NYAP2: variants seen among roughly 807,000 people sequenced by gnomAD.
The protein encoded by NYAP2 is neuronal tyrosine-phosphorylated phosphoinositide-3-kinase adaptor 2, also known as neuronal tyrosine-phosphorylated phosphoinositide-3-kinase adapter 2.
A neutral mutation model predicts 50.4 loss-of-function variants in NYAP2; 23 were observed. The observed-to-expected ratio is 0.46, with a 90% CI of 0.33 to 0.65. The LOEUF is 0.65. Among genes scored for constraint, NYAP2 ranks in the 30% least tolerant of loss-of-function variants. NYAP2 has a pLI of 0.02. For missense variants in NYAP2, 885 were observed against 861.0 expected (o/e 1.03, Z -0.35); for synonymous variants, 394 against 365.2 (o/e 1.08, Z -0.90).
chr2:225,667,202 T>C, the NYAP2 span, among the ~76,000 whole-genome samples: 1 of 152,182 alleles, frequency 6.6e-6, no homozygotes, highest in Non-Finnish European at 1.5e-5. Flanking sequence ...GCTAGATGCT[T>C]GAGTTTGAAG....
chr2:225,696,097 T>A, the NYAP2 span, among the ~76,000 whole-genome samples: 1 of 151,984 alleles, frequency 6.6e-6, no homozygotes, highest in African/African-American at 2.4e-5. Context: ...CAACAATAAC[T>A]ATTATTATAA....
At chr2:225,638,756 C>A (rs1210250382) in intron 6 of NYAP2, among the ~76,000 whole-genome samples, 1 of 152,156 alleles carries the variant, frequency 6.6e-6, no homozygotes, top group South Asian at 2.1e-4. Flanking sequence ...GACACTAGCC[C>A]GTGCCAGGCC....
intron 3 of NYAP2, among the ~76,000 whole-genome samples, chr2:225,453,695 T>C (rs570066139): frequency 3.0e-4 from 46 of 152,240 alleles, no homozygotes; most frequent in Non-Finnish European, 5.6e-4. Context: ...AGTCTTACTC[T>C]GTCACCCAGG....
intron 3 of NYAP2, among the ~76,000 whole-genome samples, chr2:225,499,319 C>CT (rs764490641): frequency 0.013 from 1,884 of 142,984 alleles, 19 homozygotes; most frequent in African/African-American, 0.036. Flanking sequence ...GAAAAGGTTA[C>CT]TTTTTTTTTT....
chr2:225,657,345 C>T (rs962229302), downstream of NYAP2, among the ~76,000 whole-genome samples: 8 of 151,510 alleles, frequency 5.3e-5, no homozygotes, highest in East Asian at 7.8e-4. Flanking sequence ...CTTCTGACCT[C>T]GTGATCCACC....
intron 5 of NYAP2, among the ~76,000 whole-genome samples, chr2:225,617,921 C>T (rs1019673131): frequency 6.6e-6 from 1 of 152,180 alleles, no homozygotes; most frequent in Non-Finnish European, 1.5e-5. Flanking sequence ...CCCTTCAATT[C>T]TCACTGAGGA....
intron 4 of NYAP2, among the ~76,000 whole-genome samples, chr2:225,551,850 T>C (rs1691683652): frequency 6.6e-6 from 1 of 152,182 alleles, no homozygotes; most frequent in South Asian, 2.1e-4. Context: ...TTTACTCTTG[T>C]TGCCTAGGCT....
intron 6 of NYAP2, among the ~76,000 whole-genome samples, chr2:225,641,508 A>G (rs1352847165): frequency 1.3e-5 from 2 of 150,200 alleles, no homozygotes; most frequent in Non-Finnish European, 3.0e-5. Flanking sequence ...GTTATAAAGT[A>G]CTTAGTTGAA....
At chr2:225,559,881 A>G (rs780301970) in intron 4 of NYAP2, among the ~76,000 whole-genome samples, 1 of 152,030 alleles carries the variant, frequency 6.6e-6, no homozygotes, top group Non-Finnish European at 1.5e-5. Context: ...AGAAAGAGAT[A>G]TTTTGCCCCT....
At chr2:225,595,342 C>G (rs1001348815) in intron 5 of NYAP2, among the ~76,000 whole-genome samples, 1 of 152,104 alleles carries the variant, frequency 6.6e-6, no homozygotes, top group African/African-American at 2.4e-5. Context: ...ACTAAGAAAT[C>G]TAGATCCCCA....
intron 4 of NYAP2, among the ~76,000 whole-genome samples, chr2:225,517,641 T>C (rs759778094): frequency 8.5e-5 from 13 of 152,160 alleles, no homozygotes; most frequent in Non-Finnish European, 1.6e-4. Flanking sequence ...TGATTGTGCA[T>C]GGTACAAAGA....
intron 4 of NYAP2, among the ~76,000 whole-genome samples, chr2:225,528,705 G>T (rs193191377): frequency 2.6e-5 from 4 of 152,306 alleles, no homozygotes; most frequent in African/African-American, 9.6e-5. Flanking sequence ...AATGCACAGT[G>T]TTCTTGATAC....
At chr2:225,470,580 T>A (rs1378955710) in intron 3 of NYAP2, among the ~76,000 whole-genome samples, 1 of 152,060 alleles carries the variant, frequency 6.6e-6, no homozygotes, top group East Asian at 1.9e-4. Context: ...AATAAAAACA[T>A]CATAGGGGGA....
chr2:225,660,958 G>A, the NYAP2 span, among the ~76,000 whole-genome samples: 3 of 152,112 alleles, frequency 2.0e-5, no homozygotes, highest in Non-Finnish European at 4.4e-5. Context: ...GTTTTCATTA[G>A]GATTTATGAC....
chr2:225,474,761 G>C (rs895179242), intron 3 of NYAP2, among the ~76,000 whole-genome samples: 1 of 152,206 alleles, frequency 6.6e-6, no homozygotes, highest in Non-Finnish European at 1.5e-5. Flanking sequence ...TGCAAACAAG[G>C]ACAATTTGAC....
At chr2:225,693,046 T>A in the NYAP2 span, among the ~76,000 whole-genome samples, 2 of 152,132 alleles carry the variant, frequency 1.3e-5, no homozygotes, top group African/African-American at 4.8e-5. Flanking sequence ...ATTACCATGG[T>A]TCATGTGTCA....
In NYAP2 at chr2:225,582,311, T is replaced by C; in HGVS notation, c.894T>C (p.Thr298=). 1 of 1,613,986 alleles carries C rather than the reference T, an allele frequency of 6.2e-7. No individual in the cohort carries two copies. Among genetic ancestry groups the C allele is most frequent in the Non-Finnish European group, 8.5e-7 (1 of 1,179,874 alleles). The change falls in exon 5 of 7, where the codon ACT becomes ACC. Residue 298 remains threonine (T), a synonymous_variant. Coordinates refer to ENST00000636099, the Ensembl canonical transcript of NYAP2. This position sits in a 1 kb window ranked among gnomAD's most constrained non-coding sequence, Gnocchi z 7.0. ...ACAGCTGTTCTTCGCAGTGTGCTACTCCCACGGTGCCTGACTTGGACTTCG... is the reference window on the plus strand; with the variant it reads ...ACAGCTGTTCTTCGCAGTGTGCTACCCCCACGGTGCCTGACTTGGACTTCG...
intron 5 of NYAP2, among the ~76,000 whole-genome samples, chr2:225,583,957 G>A (rs1324733093): frequency 6.6e-6 from 1 of 152,166 alleles, no homozygotes; most frequent in Non-Finnish European, 1.5e-5. Context: ...CAGGAGAATG[G>A]CGCGAACCCG....
chr2:225,516,132 G>A (rs1475015123), intron 4 of NYAP2, among the ~76,000 whole-genome samples: 3 of 152,046 alleles, frequency 2.0e-5, no homozygotes, highest in Non-Finnish European at 4.4e-5. Context: ...AATTTGAGTG[G>A]CCATTCACTT....
Sources: gnomAD v4.1 joint callset for allele counts (sites outside exome capture counted in the v4.1 genomes callset) on GRCh38, gnomAD v4.1.1 for gene constraint, Gnocchi (gnomAD v3.1) non-coding constraint, MANE v1.5 for transcripts, NCBI Gene and HGNC (gene_info 2026-07-23, HGNC 2026-07-21) for gene names.